MIER3: variants seen among roughly 807,000 people sequenced by gnomAD.
The protein encoded by MIER3 is mesoderm induction early response protein 3.
MIER3 carries 9 observed loss-of-function variants against 63.2 expected under a neutral mutation model. That is an observed-to-expected ratio of 0.14 (90% confidence interval 0.09 to 0.25). MIER3 has a LOEUF of 0.25. Among genes scored for constraint, MIER3 ranks in the 10% least tolerant of loss-of-function variants. The pLI is 1.00. For synonymous variants in MIER3, 205 were observed against 224.9 expected (o/e 0.91, Z 0.79); for missense variants, 512 against 666.2 (o/e 0.77, Z 2.55).
At chr5:56,923,857 T>C in intron 11 of MIER3, 24 bp from the exon 12 acceptor site, 1 of 1,614,078 alleles carries the variant, frequency 6.2e-7, no homozygotes. Flanking sequence ...CCCAGTAATT[T>C]TATGACTATA....
intron 3 of MIER3, among the ~76,000 whole-genome samples, chr5:56,944,288 G>A (rs112997803): frequency 1.3e-4 from 20 of 151,820 alleles, no homozygotes; most frequent in African/African-American, 3.6e-4. Context: ...TGGCTAACAC[G>A]GTGAAACCCC....
In MIER3 at chr5:56,919,994, T is replaced by C. The variant is rs1473209260; in HGVS notation, c.*3134A>G. On this transcript the variant is annotated 3_prime_UTR_variant, in exon 13 of 13. Transcript: ENST00000381199. ...GTGCTTTGAAACTCTGGGCAAACAA[T>C]CTCCTTGGTGGTCAGGTTTATTTGT... 6.6e-6 allele frequency: 1 copy of C among 152,628 alleles called. No homozygotes were observed. Among genetic ancestry groups the C allele is most frequent in the Non-Finnish European group, 1.5e-5 (1 of 68,016 alleles). The allele number at this position is 152,628 out of a possible 1,614,324, so 9.5% of individuals were successfully genotyped here.
At chr5:56,936,853 GAACT>G (rs1022369187) in intron 5 of MIER3, 3 of 151,840 alleles carry the variant, frequency 2.0e-5, no homozygotes, top group African/African-American at 7.3e-5. Context: ...GTAACACCAA[GAACT>G]AATAGGAAAA....
chr5:56,942,738 TA>T (rs1750689901), intron 3 of MIER3, among the ~76,000 whole-genome samples: 1 of 152,158 alleles, frequency 6.6e-6, no homozygotes, highest in Non-Finnish European at 1.5e-5. Flanking sequence ...TAGGATTACT[TA>T]AATTAAGGCA....
chr5:56,934,323 G>C (rs1429810135), intron 7 of MIER3, among the ~76,000 whole-genome samples: 1 of 152,182 alleles, frequency 6.6e-6, no homozygotes, highest in Non-Finnish European at 1.5e-5. Flanking sequence ...AGTAAGACTT[G>C]ACTTTTGAGA....
At chr5:56,935,901 C>G in intron 5 of MIER3, 150 bp from the exon 6 acceptor site, 1 of 641,778 alleles carries the variant, frequency 1.6e-6, no homozygotes, top group Non-Finnish European at 2.7e-6. Context: ...CGACATTGGT[C>G]AAAATGAGAC....
chr5:56,941,013 T>C (rs1457694117), intron 3 of MIER3: 1 of 985,260 alleles, frequency 1.0e-6, no homozygotes, highest in African/African-American at 1.7e-5. Flanking sequence ...TATGCACTGA[T>C]GGTCCACCTT....
chr5:56,948,426 G>A (rs1270586956), intron 2 of MIER3, among the ~76,000 whole-genome samples: 3 of 152,166 alleles, frequency 2.0e-5, no homozygotes, highest in Non-Finnish European at 4.4e-5. Context: ...CACTTTGGGA[G>A]GCCGAAGTGG....
intron 4 of MIER3, 141 bp from the exon 5 acceptor site, chr5:56,937,839 T>C: frequency 5.2e-6 from 2 of 386,636 alleles, no homozygotes; most frequent in Non-Finnish European, 8.5e-6. Context: ...ATTTACTTCA[T>C]GTACATAAAT....
chr5:56,948,139 A>G (rs62356565), intron 2 of MIER3, among the ~76,000 whole-genome samples: 23,445 of 152,178 alleles, frequency 0.15, 2,461 homozygotes, highest in East Asian at 0.35. Flanking sequence ...ATTTCAGGAC[A>G]GTGTGAGATC....
rs543886552 is a variant in MIER3 at position 56,933,939 on chromosome 5, GT to G, written c.596-542del. On this transcript the variant is annotated intron_variant, in intron 7 of 12. Transcript: ENST00000381199. Reference sequence around the variant, plus strand: ...AGATTAACCAAACCTCCCTAGGGAGGTTTTTGGGAAGAGGGAGAAACAGTAA... The same window carrying G: ...AGATTAACCAAACCTCCCTAGGGAGGTTTTGGGAAGAGGGAGAAACAGTAA... 2.8e-4 allele frequency among the ~76,000 whole-genome samples: 32 copies of G among 114,286 alleles called. No homozygotes were observed. The East Asian group carries it at 4.3e-3, about 15-fold the overall frequency. The allele number at this position is 114,286 out of a possible 152,430, so 75.0% of individuals were successfully genotyped here. A position where few individuals can be genotyped will look rare whatever the true frequency, so the allele number is the denominator to read the frequency against.
chr5:56,935,386 C>T (rs1170496454), intron 7 of MIER3, 42 bp downstream of exon 7: 7 of 1,436,648 alleles, frequency 4.9e-6, no homozygotes, highest in Non-Finnish European at 6.7e-6. Context: ...CAAGTGGTAA[C>T]CTTATCTACC....
Position 56,923,956 on chromosome 5 carries a change from T to C in MIER3, c.1011A>G (p.Thr337=). 6.2e-7 allele frequency: 1 copy of C among 1,614,110 alleles called. No homozygotes were observed. The highest frequency in any genetic ancestry group is 1.1e-5 in the South Asian group (1 of 91,080). Reference sequence around the variant, plus strand: ...GGTTATATCTTTTTTTCCCAAATCTTGTCTGTTGAGCAAAGTAATCATAAC... The same window carrying C: ...GGTTATATCTTTTTTTCCCAAATCTCGTCTGTTGAGCAAAGTAATCATAAC... ...SERYDYFAQQ[T]RFGKKRYNHH... is the part of the protein sequence containing the mutation. The change falls in exon 11 of 13, where the codon ACA becomes ACG. Residue 337 remains threonine, a synonymous_variant. Coordinates refer to ENST00000381199, the MANE Select transcript of MIER3 (RefSeq NM_001297599.2).
intron 5 of MIER3, 140 bp downstream of exon 5, chr5:56,937,438 C>A (rs1750485576): frequency 8.0e-6 from 7 of 869,740 alleles, no homozygotes; most frequent in Non-Finnish European, 1.1e-5. Context: ...AGGTTATAAT[C>A]TTGTTTAAAT....
chr5:56,941,113 G>C, intron 3 of MIER3: 1 of 985,414 alleles, frequency 1.0e-6, no homozygotes. Context: ...AAGAATCCCT[G>C]CTCACAAGGA....
At chr5:56,950,581 A>C (rs759422964) in intron 2 of MIER3, 47 bp downstream of exon 2, 2 of 1,604,800 alleles carry the variant, frequency 1.2e-6, no homozygotes, top group African/African-American at 1.3e-5. Context: ...CTTTGAGCCC[A>C]CATTACCCAC....
chr5:56,950,755 A>G (rs562490348), intron 1 of MIER3, 103 bp from the exon 2 acceptor site: 1 of 1,307,590 alleles, frequency 7.6e-7, no homozygotes, highest in Admixed American at 1.9e-5. Flanking sequence ...GCTCCTCCGC[A>G]GCTGCCAAAA....
chr5:56,930,106 T>C (rs1055530391), intron 9 of MIER3, among the ~76,000 whole-genome samples: 4 of 152,186 alleles, frequency 2.6e-5, no homozygotes, highest in Non-Finnish European at 5.9e-5. Context: ...ATTTTCATTC[T>C]ACACATATTT....
intron 3 of MIER3, chr5:56,941,100 C>A: frequency 1.0e-6 from 1 of 985,414 alleles, no homozygotes; most frequent in Non-Finnish European, 1.2e-6. Context: ...ATGAAATTTA[C>A]TGAAGAATCC....
Sources: allele counts gnomAD v4.1 joint callset (sites outside exome capture counted in the v4.1 genomes callset), GRCh38; gene constraint gnomAD v4.1.1; transcripts MANE v1.5; gene names NCBI Gene and HGNC (gene_info 2026-07-23, HGNC 2026-07-21).